USP6NL: variants seen among roughly 807,000 people sequenced by gnomAD.
USP6NL encodes USP6 N-terminal like, also known as USP6 N-terminal-like protein.
USP6NL carries 26 observed loss-of-function variants against 61.9 expected under a neutral mutation model. The ratio of observed to expected loss-of-function variants is 0.42; its 90% CI spans 0.31 to 0.58. The LOEUF (loss-of-function observed/expected upper bound fraction) is 0.58, where lower values mean the gene tolerates loss of function less well. Ranked by LOEUF, USP6NL falls within the 20% of genes least tolerant of loss-of-function variation. The pLI is 0.16. For missense variants in USP6NL, 1,114 were observed against 1,034.3 expected (o/e 1.08, Z -1.06); for synonymous variants, 432 against 390.1 (o/e 1.11, Z -1.27).
chr10:11,546,739 T>C (rs558557580), intron 2 of USP6NL, among the ~76,000 whole-genome samples: 2 of 152,340 alleles, frequency 1.3e-5, no homozygotes, highest in South Asian at 2.1e-4. Context: ...TCTACAAATC[T>C]AAGCACATCT....
chr10:11,497,411 C>CAAAA (rs11307707), intron 7 of USP6NL, among the ~76,000 whole-genome samples: 1 of 106,060 alleles, frequency 9.4e-6, no homozygotes, highest in Non-Finnish European at 1.9e-5. Flanking sequence ...GACTCAGTCT[C>CAAAA]AAAAAAAAAA....
intron 13 of USP6NL, among the ~76,000 whole-genome samples, chr10:11,483,956 C>T (rs1191995072): frequency 1.3e-5 from 2 of 152,134 alleles, no homozygotes; most frequent in African/African-American, 4.8e-5. Context: ...GGCACTCCTG[C>T]AGTCCATGCT....
chr10:11,567,624 G>A (rs1317174447), intron 2 of USP6NL, among the ~76,000 whole-genome samples: 1 of 152,198 alleles, frequency 6.6e-6, no homozygotes, highest in Non-Finnish European at 1.5e-5. Context: ...GCTATCCACA[G>A]AGCTCTGTAT....
At position 11,520,635 on chromosome 10, in the gene USP6NL, A is replaced by C. The variant is rs1566154211; in HGVS notation, c.156-2061T>G. Among the ~76,000 whole-genome samples the C allele has an allele frequency of 1.3e-5, 2 of 152,248 alleles. No homozygotes were observed. Among genetic ancestry groups the C allele is most frequent in the Non-Finnish European group, 2.9e-5 (2 of 68,044 alleles). ...TTCAAGTGGAGGAGAAGAAAGAAGG[A>C]CCACAATCTGGGTGAATGCAGAGAA... On this transcript the variant is annotated intron_variant, in intron 4 of 14. Transcript: ENST00000609104. The surrounding 1 kb of genome is among the most constrained non-coding windows in gnomAD (Gnocchi z 5.2).
intron 2 of USP6NL, chr10:11,565,736 G>C (rs1421930325): frequency 6.6e-6 from 1 of 152,146 alleles, no homozygotes; most frequent in Non-Finnish European, 1.5e-5. Context: ...AGTGATCACA[G>C]CTACTATCCA....
At chr10:11,501,591 A>C (rs1413661547) in intron 6 of USP6NL, among the ~76,000 whole-genome samples, 1 of 152,160 alleles carries the variant, frequency 6.6e-6, no homozygotes, top group East Asian at 1.9e-4. Context: ...TATCCCACAC[A>C]CCTAAAAGAT....
At chr10:11,464,395 G>C (rs990373355) in intron 14 of USP6NL, among the ~76,000 whole-genome samples, 1 of 152,226 alleles carries the variant, frequency 6.6e-6, no homozygotes, top group African/African-American at 2.4e-5. Flanking sequence ...TGCTCAGAAA[G>C]CTGTACCTGT....
At chr10:11,529,033 C>A (rs1442375432) in intron 2 of USP6NL, among the ~76,000 whole-genome samples, 1 of 152,150 alleles carries the variant, frequency 6.6e-6, no homozygotes, top group Non-Finnish European at 1.5e-5. Flanking sequence ...TCAGCCAGGG[C>A]AGTGGAGAGT....
At chr10:11,549,925 T>G (rs1298886488) in intron 2 of USP6NL, among the ~76,000 whole-genome samples, 1 of 152,254 alleles carries the variant, frequency 6.6e-6, no homozygotes, top group East Asian at 1.9e-4. Flanking sequence ...TATTTATATT[T>G]GAATAAGCTC....
At chr10:11,514,333 TA>T (rs201008575) in intron 5 of USP6NL, among the ~76,000 whole-genome samples, 4,188 of 150,028 alleles carry the variant, frequency 0.028, 79 homozygotes, top group Middle Eastern at 0.051. Context: ...GTGATGGTGG[TA>T]AAATGGTGTT....
Position 11,574,164 on chromosome 10 carries a change from C to T in USP6NL, c.4+23467G>A, listed in dbSNP as rs1837461714. Among the ~76,000 whole-genome samples, 1 of 152,154 alleles carries T rather than the reference C, an allele frequency of 6.6e-6. No homozygotes were observed. Among genetic ancestry groups the T allele is most frequent in the Non-Finnish European group, 1.5e-5 (1 of 68,016 alleles). The stretch of plus-strand genomic sequence containing the variant: ...CTGTCGAAAGCCTTAATACTTTTTT[C>T]CAATTTCTCAAAAACCTTGTATTTG... On this transcript the variant is annotated intron_variant, in intron 2 of 14. Coordinates refer to ENST00000609104, the MANE Select transcript of USP6NL (RefSeq NM_014688.5). The surrounding 1 kb of genome is among the most constrained non-coding windows in gnomAD (Gnocchi z 4.3).
At chr10:11,601,652 G>A (rs1432971888) in intron 1 of USP6NL, among the ~76,000 whole-genome samples, 1 of 152,176 alleles carries the variant, frequency 6.6e-6, no homozygotes, top group African/African-American at 2.4e-5. Context: ...GGGGTTAAAT[G>A]CATTTACAAT....
rs528899433 is a variant in USP6NL, at chr10:11,537,812, G to C, written c.5-10245C>G. Among the ~76,000 whole-genome samples, 11 of 152,298 alleles carry C rather than the reference G, an allele frequency of 7.2e-5. No homozygotes were observed. Among genetic ancestry groups the C allele is most frequent in the African/African-American group, 2.6e-4 (11 of 41,560 alleles). On this transcript the variant is annotated intron_variant, in intron 2 of 14. Coordinates refer to ENST00000609104, the MANE Select transcript of USP6NL (RefSeq NM_014688.5). The surrounding 1 kb of genome is among the most constrained non-coding windows in gnomAD (Gnocchi z 5.1). ...TGCTGGCCTCTGGGTGTGCCCACTTGTAATGCTATTGCCCAAATGATTTCC... is the reference window on the plus strand; with the variant it reads ...TGCTGGCCTCTGGGTGTGCCCACTTCTAATGCTATTGCCCAAATGATTTCC...
chr10:11,468,846 G>GA lies in USP6NL; in HGVS notation c.1079-4998dup, dbSNP rs554357194. Among the ~76,000 whole-genome samples the GA allele has an allele frequency of 7.7e-4, 117 of 152,192 alleles. No individual in the cohort carries two copies. The highest frequency in any genetic ancestry group is 2.6e-3 in the African/African-American group (107 of 41,536). On this transcript the variant is annotated intron_variant, in intron 14 of 14. Transcript: ENST00000609104. This position sits in a 1 kb window ranked among gnomAD's most constrained non-coding sequence, Gnocchi z 4.5. The stretch of plus-strand genomic sequence containing the variant: ...TAAGGCATGTGTTTCTTAGGAGAAA[G>GA]AAAAAACCAATTGAGAAGTAATGGA...
chr10:11,559,200 G>A (rs1171195689), intron 2 of USP6NL, among the ~76,000 whole-genome samples: 1 of 152,068 alleles, frequency 6.6e-6, no homozygotes, highest in African/African-American at 2.4e-5. Flanking sequence ...TAGTTTCTTG[G>A]GGAGGTTCTG....
rs1260006219 is a variant in USP6NL, at chr10:11,463,011, G to A, written c.1917C>T (p.His639=). ...PPSYSNPPVY[H]GNSPKHFPTA... ...TAGGGAAGTGTTTGGGAGAGTTTCC[G>A]TGGTAAACGGGGGGATTGCTGTAGG... The change falls in exon 15 of 15, where the codon CAC becomes CAT. Residue 639 remains histidine (H), a synonymous_variant. Coordinates refer to ENST00000609104, the MANE Select transcript of USP6NL (RefSeq NM_014688.5). This position sits in a 1 kb window ranked among gnomAD's most constrained non-coding sequence, Gnocchi z 6.3. The A allele has an allele frequency of 4.3e-6, 7 of 1,613,984 alleles. No individual in the cohort carries two copies. The highest frequency in any genetic ancestry group is 4.5e-5 in the East Asian group (2 of 44,878).
chr10:11,498,883 G>T (rs905174934), intron 7 of USP6NL, among the ~76,000 whole-genome samples: 2 of 151,828 alleles, frequency 1.3e-5, no homozygotes, highest in African/African-American at 2.4e-5. Flanking sequence ...CCTACTTTTA[G>T]AGTATTTATC....
chr10:11,580,852 TGAC>T (rs1837732634), intron 2 of USP6NL, among the ~76,000 whole-genome samples: 1 of 146,482 alleles, frequency 6.8e-6, no homozygotes, highest in Non-Finnish European at 1.5e-5. Flanking sequence ...AATGGATGAA[TGAC>T]GAACGGATAG....
rs372006481 is a variant in USP6NL, at chr10:11,610,560, T to G, written c.-84+883A>C. On this transcript the variant is annotated intron_variant, in intron 1 of 14. Coordinates refer to ENST00000609104, the MANE Select transcript of USP6NL (RefSeq NM_014688.5). The stretch of plus-strand genomic sequence containing the variant: ...AGGTGTAATTATTTTTATAAAAGGA[T>G]TAATACAGGATTGAAACCATTTTCT... Among the ~76,000 whole-genome samples, 46 of 152,230 alleles carry G rather than the reference T, an allele frequency of 3.0e-4. No individual in the cohort carries two copies. The East Asian group carries it at 6.9e-3, about 23-fold the overall frequency.
Sources: gnomAD v4.1 joint callset for allele counts (sites outside exome capture counted in the v4.1 genomes callset) on GRCh38, gnomAD v4.1.1 for gene constraint, Gnocchi (gnomAD v3.1) non-coding constraint, MANE v1.5 for transcripts, NCBI Gene and HGNC (gene_info 2026-07-23, HGNC 2026-07-21) for gene names.